The following KANK1 variants were observed in gnomAD, a reference collection of about 807,000 sequenced individuals.
KANK1 encodes the protein KN motif and ankyrin repeat domain-containing protein 1.
KANK1 carries 109 observed loss-of-function variants against 106.2 expected under a neutral mutation model. That is an observed-to-expected ratio of 1.03 (90% confidence interval 0.88 to 1.20). The LOEUF is 1.20. KANK1 is among the 50% of genes most tolerant of loss of function. KANK1 has a pLI of 0.00. For missense variants in KANK1, 2,399 were observed against 1,710.7 expected (o/e 1.40, Z -7.10); for synonymous variants, 873 against 652.2 (o/e 1.34, Z -5.16).
At chr9:723,559 A>G (rs1276666866) in intron 3 of KANK1, among the ~76,000 whole-genome samples, 1 of 152,092 alleles carries the variant, frequency 6.6e-6, no homozygotes, top group African/African-American at 2.4e-5. Context: ...CAGGAGTTCA[A>G]GGCTACAGTT....
chr9:586,504 G>A (rs1823505477), intron 1 of KANK1, among the ~76,000 whole-genome samples: 1 of 152,166 alleles, frequency 6.6e-6, no homozygotes, highest in Non-Finnish European at 1.5e-5. Context: ...GGTGGTGACT[G>A]TTAGTGGAAG....
At chr9:511,641 T>G (rs1158969082) in intron 1 of KANK1, among the ~76,000 whole-genome samples, 1 of 152,238 alleles carries the variant, frequency 6.6e-6, no homozygotes, top group African/African-American at 2.4e-5. Context: ...ACATGTTTGC[T>G]GTTATTCCCT....
rs140304263 is a variant in KANK1 at position 723,099 on chromosome 9, A to T, written c.2699-6952A>T. ...AATTTCCAGACCTGTAGGATGATCTAATTACTCCCTACTCACAGAGTTGGA... is the reference window on the plus strand; with the variant it reads ...AATTTCCAGACCTGTAGGATGATCTTATTACTCCCTACTCACAGAGTTGGA... On this transcript the variant is annotated intron_variant, in intron 3 of 11. Coordinates refer to ENST00000382297, the MANE Select transcript of KANK1 (RefSeq NM_015158.5). Among the ~76,000 whole-genome samples the T allele has an allele frequency of 6.8e-4, 104 of 152,204 alleles. 1 individual carries two copies. The highest frequency in any genetic ancestry group is 4.6e-3 in the East Asian group (24 of 5,184).
At chr9:685,673 T>TAC (rs1192986975) in intron 2 of KANK1, 3 of 152,208 alleles carry the variant, frequency 2.0e-5, no homozygotes, top group African/African-American at 7.2e-5. Flanking sequence ...CTACTAATAG[T>TAC]TACTAGTACT....
intron 1 of KANK1, among the ~76,000 whole-genome samples, chr9:656,211 C>T (rs576360466): frequency 8.3e-4 from 127 of 152,224 alleles, no homozygotes; most frequent in Non-Finnish European, 1.7e-3. Context: ...CACAGTCTGG[C>T]GCCTTTCCCA....
chr9:695,383 T>G (rs79482250), intron 2 of KANK1, among the ~76,000 whole-genome samples: 1 of 152,132 alleles, frequency 6.6e-6, no homozygotes, highest in Non-Finnish European at 1.5e-5. Flanking sequence ...GTTTGTCTGC[T>G]TTTGCTTTTA....
chr9:531,561 T>C (rs570124461), intron 1 of KANK1, among the ~76,000 whole-genome samples: 74 of 152,168 alleles, frequency 4.9e-4, no homozygotes, highest in African/African-American at 1.8e-3. Flanking sequence ...AATTTGAGAG[T>C]TGGATAAAGA....
At chr9:615,504 C>G (rs1443462712) in intron 1 of KANK1, among the ~76,000 whole-genome samples, 1 of 152,014 alleles carries the variant, frequency 6.6e-6, no homozygotes, top group African/African-American at 2.4e-5. Context: ...AATGTTGTTT[C>G]TTTTCTCTTT....
chr9:650,946 C>T (rs1319107041), intron 1 of KANK1, among the ~76,000 whole-genome samples: 1 of 152,096 alleles, frequency 6.6e-6, no homozygotes, highest in Non-Finnish European at 1.5e-5. Flanking sequence ...GCATTTCCTC[C>T]TGCTTCTGTC....
At chr9:594,090 G>A (rs1303977686) in intron 1 of KANK1, among the ~76,000 whole-genome samples, 1 of 151,866 alleles carries the variant, frequency 6.6e-6, no homozygotes, top group Non-Finnish European at 1.5e-5. Context: ...TGTAAGTGAT[G>A]GGGGCTGTGG....
intron 3 of KANK1, among the ~76,000 whole-genome samples, chr9:482,021 A>G (rs1351339335): frequency 1.3e-5 from 2 of 152,120 alleles, no homozygotes; most frequent in East Asian, 3.9e-4. Context: ...CCTGTCACCT[A>G]TTCTGTTCTG....
intron 1 of KANK1, among the ~76,000 whole-genome samples, chr9:659,097 A>C (rs1327554683): frequency 6.6e-6 from 1 of 152,194 alleles, no homozygotes; most frequent in Non-Finnish European, 1.5e-5. Context: ...AGCCTCAAAA[A>C]GGCAAGAACT....
At chr9:508,466 C>T (rs372304274) in intron 1 of KANK1, among the ~76,000 whole-genome samples, 1 of 152,306 alleles carries the variant, frequency 6.6e-6, no homozygotes, top group Admixed American at 6.5e-5. Flanking sequence ...AGTACATCTT[C>T]ACAAATTGTC....
rs928705723 is a variant in KANK1, at chr9:693,346, T to C, written c.37+16337T>C. The C allele has an allele frequency of 5.1e-6, 5 of 971,654 alleles. No homozygotes were observed. In the African/African-American group the frequency reaches 8.8e-5, roughly 17 times the overall value. The allele number at this position is 971,654 out of a possible 1,614,324, so 60.2% of individuals were successfully genotyped here. ...TGTAACAGAGAGCCTTTCTCTGCAG[T>C]GGAGGGTTAGGGAAAGAGGGAGTAA... On this transcript the variant is annotated intron_variant, in intron 2 of 11. Coordinates refer to ENST00000382297, the MANE Select transcript of KANK1 (RefSeq NM_015158.5).
At chr9:670,750 A>T (rs1216491554) in intron 1 of KANK1, among the ~76,000 whole-genome samples, 1 of 152,132 alleles carries the variant, frequency 6.6e-6, no homozygotes, top group East Asian at 1.9e-4. Flanking sequence ...GGCACTCCTG[A>T]TGCTTCTCAT....
At chr9:598,324 G>C (rs1382604133) in intron 1 of KANK1, among the ~76,000 whole-genome samples, 1 of 151,246 alleles carries the variant, frequency 6.6e-6, no homozygotes, top group Non-Finnish European at 1.5e-5. Context: ...CTTTTTTTTA[G>C]TGTTGTTTTG....
chr9:652,758 T>C (rs142690875), intron 1 of KANK1, among the ~76,000 whole-genome samples: 27 of 152,304 alleles, frequency 1.8e-4, no homozygotes, highest in African/African-American at 6.0e-4. Context: ...TGGGAAGCAA[T>C]ACACCAAAGC....
At chr9:505,611 G>A (rs2058717679) in intron 1 of KANK1, among the ~76,000 whole-genome samples, 1 of 152,240 alleles carries the variant, frequency 6.6e-6, no homozygotes, top group Admixed American at 6.5e-5. Context: ...TGGCTCTTGC[G>A]GGTCAGCACG....
intron 2 of KANK1, among the ~76,000 whole-genome samples, chr9:695,919 C>T (rs960760330): frequency 1.3e-5 from 2 of 152,114 alleles, no homozygotes; most frequent in African/African-American, 4.8e-5. Flanking sequence ...CAGTAGATGC[C>T]TAGATGTGGG....
Sources: allele counts gnomAD v4.1 joint callset (sites outside exome capture counted in the v4.1 genomes callset), GRCh38; gene constraint gnomAD v4.1.1; transcripts MANE v1.5; gene names NCBI Gene and HGNC (gene_info 2026-07-23, HGNC 2026-07-21).